The following CD99L2 variants were observed in gnomAD, a reference collection of about 807,000 sequenced individuals.
CD99L2 encodes CD99 molecule like 2.
In CD99L2, 24 loss-of-function variants were observed where a neutral mutation model predicts 27.3. The ratio of observed to expected loss-of-function variants is 0.88; its 90% CI spans 0.64 to 1.24. The LOEUF (loss-of-function observed/expected upper bound fraction) is 1.24, where lower values mean the gene tolerates loss of function less well. Among genes scored for constraint, CD99L2 ranks in the 50% most tolerant of loss-of-function variants. The probability of loss-of-function intolerance (pLI) is 0.00; values close to 1 mark genes in which losing one functional copy is unlikely to be tolerated. For missense variants in CD99L2, 255 were observed against 221.6 expected, an observed-to-expected ratio of 1.15 and a Z score of -0.96; for synonymous variants, 97 against 87.9, an observed-to-expected ratio of 1.10 and a Z score of -0.58.
chrX:150,850,900 C>T (rs1324025677), intron 1 of CD99L2, among the ~76,000 whole-genome samples: 1 of 111,201 alleles, frequency 9.0e-6, no homozygotes, highest in African/African-American at 3.3e-5. Flanking sequence ...TGCAGTGGCA[C>T]GATCTCAGCT....
chrX:150,868,084 AAAT>A (rs781930485), intron 1 of CD99L2, among the ~76,000 whole-genome samples: 3,849 of 96,418 alleles, frequency 0.04, 88 homozygotes, highest in African/African-American at 0.065. Context: ...TCCATCTCAA[AAAT>A]AATAATAATA....
intron 7 of CD99L2, among the ~76,000 whole-genome samples, chrX:150,777,687 G>A (rs1252454583): frequency 8.9e-6 from 1 of 112,680 alleles, no homozygotes; most frequent in African/African-American, 3.2e-5. Flanking sequence ...CAGGCCACCA[G>A]GTGGAACTTT....
chrX:150,898,652 C>T lies in CD99L2; in HGVS notation c.-64G>A, dbSNP rs1230385379. On this transcript the variant is annotated 5_prime_UTR_variant, in exon 1 of 11. Transcript: ENST00000370377. ...AGCGCGAGAGCGCCCGAAGGGGAGG[C>T]CGAGGAGGAGCGGGAGGAGGAGCCC... 1.0e-5 allele frequency: 10 copies of T among 998,419 alleles called. No individual in the cohort carries two copies. The highest frequency in any genetic ancestry group is 1.3e-5 in the Non-Finnish European group (10 of 768,331). The allele number at this position is 998,419 out of a possible 1,213,427, so 82.3% of individuals were successfully genotyped here.
chrX:150,889,937 G>C (rs1557422735), intron 1 of CD99L2, among the ~76,000 whole-genome samples: 1 of 110,330 alleles, frequency 9.1e-6, no homozygotes, highest in Non-Finnish European at 1.9e-5. Flanking sequence ...CGGATCACAA[G>C]GTCAGGAGAT....
chrX:150,846,693 AATGG>A (rs781890855), intron 1 of CD99L2, among the ~76,000 whole-genome samples: 1 of 111,364 alleles, frequency 9.0e-6, no homozygotes, highest in South Asian at 3.9e-4. Flanking sequence ...TCAAAAGCTT[AATGG>A]ATGAAGAGAG....
chrX:150,858,536 A>G (rs782431537), intron 1 of CD99L2, among the ~76,000 whole-genome samples: 3 of 112,697 alleles, frequency 2.7e-5, no homozygotes, highest in Admixed American at 1.9e-4. Context: ...CTAGAAATCA[A>G]TAACAAGAAG....
intron 1 of CD99L2, among the ~76,000 whole-genome samples, chrX:150,841,637 A>G (rs1320921820): frequency 9.0e-6 from 1 of 111,416 alleles, no homozygotes. Context: ...AGCCTCAGCC[A>G]TTCCCCCTAC....
At chrX:150,775,259 G>C (rs2043530309) in intron 9 of CD99L2, among the ~76,000 whole-genome samples, 1 of 111,748 alleles carries the variant, frequency 8.9e-6, no homozygotes, top group Non-Finnish European at 1.9e-5. Flanking sequence ...AAAGGGGCCG[G>C]GGAAGGAGTG....
chrX:150,786,782 G>C, intron 7 of CD99L2, among the ~76,000 whole-genome samples: 1 of 112,080 alleles, frequency 8.9e-6, no homozygotes, highest in Non-Finnish European at 1.9e-5. Flanking sequence ...AGTTCTTTGA[G>C]AAATCACCAA....
intron 2 of CD99L2, chrX:150,829,348 A>G (rs782369399): frequency 3.0e-6 from 1 of 329,110 alleles, no homozygotes; most frequent in African/African-American, 2.6e-5. Flanking sequence ...GCATCTTTGT[A>G]AGAGAAAGGA....
At chrX:150,813,840 A>G (rs1449809230) in intron 4 of CD99L2, among the ~76,000 whole-genome samples, 1 of 112,253 alleles carries the variant, frequency 8.9e-6, no homozygotes, top group Non-Finnish European at 1.9e-5. Flanking sequence ...AAAACCAACT[A>G]TGGTTTTGCC....
At chrX:150,851,422 G>A (rs1557421597) in intron 1 of CD99L2, among the ~76,000 whole-genome samples, 1 of 112,161 alleles carries the variant, frequency 8.9e-6, no homozygotes, top group Non-Finnish European at 1.9e-5. Flanking sequence ...TCACCAATGA[G>A]GAGCTGAGGC....
chrX:150,798,206 AGGAAAGGAAGGAAGGAAGGAAGGAAGG>A (rs2045839646), intron 4 of CD99L2, among the ~76,000 whole-genome samples: 2 of 10,057 alleles, frequency 2.0e-4, no homozygotes, highest in African/African-American at 1.0e-3. Flanking sequence ...GGAGGGAGGG[AGGAAAGGAAGGAAGGAAGGAAGGAAGG>A]AAGGAAGGAA....
intron 2 of CD99L2, among the ~76,000 whole-genome samples, chrX:150,817,338 G>A (rs1014361083): frequency 4.5e-5 from 5 of 110,277 alleles, no homozygotes; most frequent in African/African-American, 6.6e-5. Flanking sequence ...GCTAATTGAC[G>A]ATTTAAAAAA....
chrX:150,824,141 A>AG (rs2046290314), intron 2 of CD99L2, among the ~76,000 whole-genome samples: 1 of 60,594 alleles, frequency 1.7e-5, no homozygotes, highest in Non-Finnish European at 3.0e-5. Context: ...GAGGAGGAGG[A>AG]GAAGAAGGAA....
At chrX:150,878,299 C>T (rs1355450533) in intron 1 of CD99L2, among the ~76,000 whole-genome samples, 1 of 107,604 alleles carries the variant, frequency 9.3e-6, no homozygotes, top group Non-Finnish European at 1.9e-5. Context: ...GATCATACCA[C>T]TGCACTCCAG....
chrX:150,887,333 C>G (rs1028046590), intron 1 of CD99L2, among the ~76,000 whole-genome samples: 12 of 109,216 alleles, frequency 1.1e-4, no homozygotes, highest in Non-Finnish European at 1.9e-4. Flanking sequence ...GTAATCGCAG[C>G]TACTCAGGAG....
intron 9 of CD99L2, among the ~76,000 whole-genome samples, chrX:150,770,808 G>A (rs781953751): frequency 4.4e-4 from 50 of 112,483 alleles, no homozygotes; most frequent in African/African-American, 1.5e-3. Flanking sequence ...GCTGAGTGGG[G>A]CTCAGCATGT....
chrX:150,874,565 C>T (rs1269942682), intron 1 of CD99L2, among the ~76,000 whole-genome samples: 8 of 5,554 alleles, frequency 1.4e-3, no homozygotes, highest in African/African-American at 3.1e-3. Context: ...AAATGGGGGG[C>T]GGGGGCGGGG....
Sources: gnomAD v4.1 joint callset for allele counts (sites outside exome capture counted in the v4.1 genomes callset) on GRCh38, gnomAD v4.1.1 for gene constraint, MANE v1.5 for transcripts, NCBI Gene and HGNC (gene_info 2026-07-23, HGNC 2026-07-21) for gene names.